Variants in CLTB observed in about 807,000 individuals in gnomAD.
The protein encoded by CLTB is clathrin light chain B, also known as clathrin, light chain (Lcb).
A neutral mutation model predicts 30.5 loss-of-function variants in CLTB; 10 were observed. The ratio of observed to expected loss-of-function variants is 0.33; its 90% CI spans 0.20 to 0.56. The LOEUF (loss-of-function observed/expected upper bound fraction) is 0.56, where lower values mean the gene tolerates loss of function less well. Among genes scored for constraint, CLTB ranks in the 20% least tolerant of loss-of-function variants. CLTB has a pLI of 0.91. For missense variants in CLTB, 261 were observed against 308.3 expected, an observed-to-expected ratio of 0.85 and a Z score of 1.15; for synonymous variants, 102 against 120.3, an observed-to-expected ratio of 0.85 and a Z score of 1.00.
At chr5:176,415,914 C>T (rs1757668371) in intron 1 of CLTB, among the ~76,000 whole-genome samples, 1 of 152,166 alleles carries the variant, frequency 6.6e-6, no homozygotes, top group Admixed American at 6.5e-5. Flanking sequence ...ATTCCAGAGC[C>T]GGGCAGTGGG....
At chr5:176,400,474 C>T (rs573168393) in intron 2 of CLTB, among the ~76,000 whole-genome samples, 1 of 152,276 alleles carries the variant, frequency 6.6e-6, no homozygotes, top group South Asian at 2.1e-4. Context: ...GCTCTGCTCA[C>T]GTCTCCCCAC....
intron 2 of CLTB, among the ~76,000 whole-genome samples, chr5:176,409,708 C>T (rs1023465685): frequency 6.6e-6 from 1 of 152,122 alleles, no homozygotes; most frequent in Non-Finnish European, 1.5e-5. Context: ...GCCACTGCAC[C>T]CGGCCCTGAT....
At chr5:176,413,628 G>T (rs752186499) in intron 1 of CLTB, among the ~76,000 whole-genome samples, 8 of 152,222 alleles carry the variant, frequency 5.3e-5, no homozygotes, top group African/African-American at 1.9e-4. Flanking sequence ...ACTGGCGGCC[G>T]CTGCTAAGCC....
chr5:176,412,817 A>AT (rs1218683165), intron 1 of CLTB, among the ~76,000 whole-genome samples: 3 of 152,160 alleles, frequency 2.0e-5, no homozygotes, highest in East Asian at 3.9e-4. Flanking sequence ...AGTGGGACCA[A>AT]TAGCATTTCA....
At chr5:176,407,815 T>C (rs183308837) in intron 2 of CLTB, among the ~76,000 whole-genome samples, 1 of 152,324 alleles carries the variant, frequency 6.6e-6, no homozygotes, top group Admixed American at 6.5e-5. Context: ...GTCCTAGAGA[T>C]GGACTTTTCC....
At chr5:176,407,758 C>T (rs1002769697) in intron 2 of CLTB, among the ~76,000 whole-genome samples, 4 of 152,194 alleles carry the variant, frequency 2.6e-5, no homozygotes, top group Admixed American at 6.5e-5. Flanking sequence ...GAAGCAAATC[C>T]TCATTCTTTG....
rs1756299025 is a variant in CLTB at position 176,392,560 on chromosome 5, A to C, written c.*214T>G. 1.7e-6 allele frequency: 1 copy of C among 572,110 alleles called. No individual in the cohort carries two copies. The highest frequency in any genetic ancestry group is 1.9e-5 in the African/African-American group (1 of 53,562). The allele number at this position is 572,110 out of a possible 1,614,324, so 35.4% of individuals were successfully genotyped here. On this transcript the variant is annotated 3_prime_UTR_variant, in exon 6 of 6. Transcript: ENST00000310418. This position sits in a 1 kb window ranked among gnomAD's most constrained non-coding sequence, Gnocchi z 5.2. The stretch of plus-strand genomic sequence containing the variant: ...ACATCAGGAGGGACAGTCACAATTG[A>C]GTAGACTGAGAGGAGGCGTGAGGGG...
chr5:176,412,890 G>A (rs1480902336), intron 1 of CLTB, among the ~76,000 whole-genome samples: 2 of 152,112 alleles, frequency 1.3e-5, no homozygotes, highest in Non-Finnish European at 2.9e-5. Flanking sequence ...AGGGCCTCAC[G>A]TTACCAGGGT....
chr5:176,410,329 T>C (rs1258229292), intron 1 of CLTB, 26 bp from the exon 2 acceptor site: 5 of 1,608,216 alleles, frequency 3.1e-6, no homozygotes, highest in African/African-American at 2.7e-5. Context: ...GGAGATAGCA[T>C]TACTCACTGT....
Position 176,392,993 on chromosome 5 carries a change from A to C in CLTB, c.519-48T>G. ...CTTTTATAGCAGTCTGCTTTCCCCCAGCCTTGCCCTTGAGCAAGGCTGCTT... is the reference window on the plus strand; with the variant it reads ...CTTTTATAGCAGTCTGCTTTCCCCCCGCCTTGCCCTTGAGCAAGGCTGCTT... On this transcript the variant is annotated intron_variant, in intron 5 of 5. Coordinates refer to ENST00000310418, the MANE Select transcript of CLTB (RefSeq NM_007097.5). This position sits in a 1 kb window ranked among gnomAD's most constrained non-coding sequence, Gnocchi z 5.2. 6.2e-7 allele frequency: 1 copy of C among 1,609,048 alleles called. No homozygotes were observed. Among genetic ancestry groups the C allele is most frequent in the Non-Finnish European group, 8.5e-7 (1 of 1,176,000 alleles).
At position 176,392,780 on chromosome 5, in the gene CLTB, G is replaced by T. The variant is rs745895095; in HGVS notation, c.684C>A (p.Ser228=). 1.3e-5 allele frequency: 21 copies of T among 1,614,060 alleles called. No homozygotes were observed. The highest frequency in any genetic ancestry group is 3.3e-5 in the South Asian group (3 of 91,070). Residue 228 remains serine (S), a synonymous_variant, in exon 6 of 6, where the codon TCC becomes TCA. Transcript: ENST00000310418. The surrounding 1 kb of genome is among the most constrained non-coding windows in gnomAD (Gnocchi z 5.2). ...VLMSLKQTPL[S]R ...CCATGCACCTAGCAGGCACCTAGCG[G>T]GACAGTGGCGTCTGCTTCAGGGACA...
At chr5:176,406,487 A>G in intron 2 of CLTB, 2 of 1,206,432 alleles carry the variant, frequency 1.7e-6, no homozygotes, top group Non-Finnish European at 2.1e-6. Context: ...AATCTAAGCT[A>G]AGCTGAGCTG....
rs564717969 is a variant in CLTB at position 176,403,605 on chromosome 5, G to A, written c.235-5558C>T. 5.3e-5 allele frequency among the ~76,000 whole-genome samples: 8 copies of A among 151,524 alleles called. No individual in the cohort carries two copies. In the South Asian group the frequency reaches 1.0e-3, roughly 20 times the overall value. On this transcript the variant is annotated intron_variant, in intron 2 of 5. Transcript: ENST00000310418. ...AGTTGCTGAGATTACAGGCGCCCACGACCACGCCTGGTTAATTTTTGTATT... is the reference window on the plus strand; with the variant it reads ...AGTTGCTGAGATTACAGGCGCCCACAACCACGCCTGGTTAATTTTTGTATT...
chr5:176,404,116 C>T (rs564656562), intron 2 of CLTB, among the ~76,000 whole-genome samples: 1 of 152,342 alleles, frequency 6.6e-6, no homozygotes, highest in Non-Finnish European at 1.5e-5. Flanking sequence ...CAAGGTCACC[C>T]AGCCAGGAAG....
In CLTB at chr5:176,397,686, G is replaced by A. The variant is rs765919511; in HGVS notation, c.385C>T (p.Arg129Trp). 6.8e-6 allele frequency: 11 copies of A among 1,613,096 alleles called. No homozygotes were observed. Among genetic ancestry groups the A allele is most frequent in the South Asian group, 1.1e-5 (1 of 91,030 alleles). ...AASKVTEQEW[R>W]EKAKKDLEEW... Reference sequence around the variant, plus strand: ...TCCAGGTCCTTCTTGGCCTTCTCCCGCCATTCCTGTTCCGTGACCTTAGAT... The same window carrying A: ...TCCAGGTCCTTCTTGGCCTTCTCCCACCATTCCTGTTCCGTGACCTTAGAT... Residue 129 changes from arginine to tryptophan, a missense_variant, in exon 4 of 6, where the codon CGG (arginine) becomes TGG (tryptophan). Coordinates refer to ENST00000310418, the MANE Select transcript of CLTB (RefSeq NM_007097.5).
chr5:176,414,427 AG>A (rs1757592249), intron 1 of CLTB, among the ~76,000 whole-genome samples: 1 of 141,440 alleles, frequency 7.1e-6, no homozygotes, highest in African/African-American at 2.7e-5. Context: ...TGACTGCTAT[AG>A]AATCTTTTTT....
intron 1 of CLTB, among the ~76,000 whole-genome samples, chr5:176,412,100 C>T (rs973764887): frequency 2.0e-5 from 3 of 147,834 alleles, no homozygotes; most frequent in East Asian, 4.0e-4. Context: ...GGTGTGAACC[C>T]GGGAGGCGGA....
At chr5:176,407,196 G>A (rs369714195) in intron 2 of CLTB, among the ~76,000 whole-genome samples, 270 of 152,298 alleles carry the variant, frequency 1.8e-3, no homozygotes, top group African/African-American at 6.2e-3. Flanking sequence ...CAAATGGGGT[G>A]CACTCCAGAA....
chr5:176,403,679 C>T (rs946595369), intron 2 of CLTB, among the ~76,000 whole-genome samples: 6 of 149,576 alleles, frequency 4.0e-5, no homozygotes, highest in Admixed American at 1.3e-4. Context: ...GTCTTGAACT[C>T]CTGACCTTGT....
Sources: allele counts gnomAD v4.1 joint callset (sites outside exome capture counted in the v4.1 genomes callset), GRCh38; gene constraint gnomAD v4.1.1; non-coding constraint Gnocchi (gnomAD v3.1); transcripts MANE v1.5; gene names NCBI Gene and HGNC (gene_info 2026-07-23, HGNC 2026-07-21).